Variants in NIPBL observed in about 807,000 individuals in gnomAD.
The protein encoded by NIPBL is nipped-B-like protein.
NIPBL carries 19 observed loss-of-function variants against 321.8 expected under a neutral mutation model. That is an observed-to-expected ratio of 0.06 (90% CI 0.04 to 0.09). The LOEUF is 0.09. Ranked by LOEUF, NIPBL falls within the 10% of genes least tolerant of loss-of-function variation. The pLI is 1.00. For synonymous variants in NIPBL, 1,106 were observed against 1,114.1 expected (o/e 0.99, Z 0.14); for missense variants, 2,210 against 3,327.0 (o/e 0.66, Z 8.26).
intron 6 of NIPBL, among the ~76,000 whole-genome samples, chr5:36,966,504 G>C (rs1210174312): frequency 6.6e-6 from 1 of 151,932 alleles, no homozygotes; most frequent in Non-Finnish European, 1.5e-5. Flanking sequence ...GTGGTGTTTA[G>C]GTGGTGAACC....
intron 9 of NIPBL, among the ~76,000 whole-genome samples, chr5:36,979,147 A>T (rs1743856101): frequency 6.6e-6 from 1 of 151,844 alleles, no homozygotes. Flanking sequence ...GTTTGATAGG[A>T]ATAGTGTTGA....
intron 1 of NIPBL, among the ~76,000 whole-genome samples, chr5:36,936,351 T>G (rs983034776): frequency 6.6e-6 from 1 of 152,184 alleles, no homozygotes; most frequent in African/African-American, 2.4e-5. Flanking sequence ...ATATTTTTAC[T>G]GTACCTTTTC....
chr5:37,049,090 A>G (rs1221058299), intron 39 of NIPBL, 21 bp from the exon 40 acceptor site: 2 of 1,612,978 alleles, frequency 1.2e-6, no homozygotes, highest in Middle Eastern at 1.6e-4. Flanking sequence ...ATGTGTGTTT[A>G]TCCTTTGCTT....
chr5:37,007,987 T>A, intron 18 of NIPBL, 21 bp from the exon 19 acceptor site: 1 of 1,416,066 alleles, frequency 7.1e-7, no homozygotes, highest in Non-Finnish European at 1.0e-6. Context: ...TGTATACTAC[T>A]TACTCTTCTT....
intron 4 of NIPBL, among the ~76,000 whole-genome samples, chr5:36,959,609 G>C (rs1200029027): frequency 2.0e-5 from 3 of 152,134 alleles, no homozygotes; most frequent in Non-Finnish European, 2.9e-5. Context: ...GTGGAAGAAA[G>C]ACTAATAGAG....
intron 1 of NIPBL, among the ~76,000 whole-genome samples, chr5:36,898,969 G>T (rs1746998442): frequency 6.6e-6 from 1 of 152,048 alleles, no homozygotes; most frequent in Admixed American, 6.5e-5. Context: ...TATTAAATAA[G>T]ATTTAAAGTA....
intron 1 of NIPBL, among the ~76,000 whole-genome samples, chr5:36,877,409 G>T (rs146872847): frequency 6.6e-6 from 1 of 152,212 alleles, no homozygotes; most frequent in Non-Finnish European, 1.5e-5. Context: ...CTGGGCGGCC[G>T]GGGAGGCGTA....
intron 1 of NIPBL, among the ~76,000 whole-genome samples, chr5:36,952,066 G>GCA (rs1399134249): frequency 6.4e-5 from 9 of 140,042 alleles, no homozygotes; most frequent in East Asian, 4.0e-4. Context: ...GCGCGCGCGC[G>GCA]CGCGCGCATG....
At chr5:36,933,583 T>C (rs1749943457) in intron 1 of NIPBL, among the ~76,000 whole-genome samples, 1 of 152,126 alleles carries the variant, frequency 6.6e-6, no homozygotes, top group Non-Finnish European at 1.5e-5. Context: ...GAAGTTTGTT[T>C]TTAATGTCAA....
At chr5:36,894,763 G>A (rs377083039) in intron 1 of NIPBL, among the ~76,000 whole-genome samples, 10 of 152,152 alleles carry the variant, frequency 6.6e-5, no homozygotes, top group African/African-American at 2.2e-4. Flanking sequence ...CAGTACCTAT[G>A]TGTAGGAGTT....
At chr5:37,049,451 C>T (rs187906772) in intron 40 of NIPBL, 150 bp downstream of exon 40, 28 of 864,242 alleles carry the variant, frequency 3.2e-5, no homozygotes, top group Non-Finnish European at 1.9e-6. Context: ...TAGATAATCT[C>T]TTGGGTTATG....
In NIPBL at chr5:36,986,167, A is replaced by G; in HGVS notation, c.2987A>G (p.Asn996Ser). ...VEKIGLVEDL[N>S]KGAKPVVVLQ... ...AAAATAGGATTAGTTGAAGATCTAA[A>G]TAAAGGAGCTAAGCCTGTAGTTGTG... Residue 996 changes from asparagine to serine, a missense_variant, in exon 10 of 47, where the codon AAT (asparagine) becomes AGT (serine). Coordinates refer to ENST00000282516, the MANE Select transcript of NIPBL (RefSeq NM_133433.4). The G allele has an allele frequency of 6.2e-7, 1 of 1,613,744 alleles. No homozygotes were observed. The highest frequency in any genetic ancestry group is 8.5e-7 in the Non-Finnish European group (1 of 1,179,866).
intron 27 of NIPBL, 81 bp downstream of exon 27, chr5:37,020,958 C>A: frequency 1.0e-6 from 1 of 960,854 alleles, no homozygotes; most frequent in Non-Finnish European, 1.7e-6. Context: ...TAATATCATT[C>A]ATTGTTGAGT....
chr5:37,045,278 C>T (rs1211968860), intron 36 of NIPBL, among the ~76,000 whole-genome samples, 165 bp from the exon 37 acceptor site: 2 of 151,970 alleles, frequency 1.3e-5, no homozygotes, highest in East Asian at 1.9e-4. Context: ...CACTTGAACA[C>T]GGGAGGCGGA....
At chr5:36,952,067 C>T (rs1164519672) in intron 1 of NIPBL, among the ~76,000 whole-genome samples, 21 of 115,864 alleles carry the variant, frequency 1.8e-4, no homozygotes, top group South Asian at 1.1e-3. Flanking sequence ...CGCGCGCGCG[C>T]GCGCGCATGT....
At chr5:37,009,820 T>C (rs1463204933) in intron 20 of NIPBL, among the ~76,000 whole-genome samples, 1 of 152,218 alleles carries the variant, frequency 6.6e-6, no homozygotes, top group Non-Finnish European at 1.5e-5. Flanking sequence ...GTAGTATGAA[T>C]TTTTATCTGC....
intron 33 of NIPBL, among the ~76,000 whole-genome samples, chr5:37,037,901 C>G (rs1239795935): frequency 6.6e-6 from 1 of 151,576 alleles, no homozygotes; most frequent in Non-Finnish European, 1.5e-5. Context: ...CATTCTTCTA[C>G]TGCAACAACA....
At chr5:36,946,309 A>G (rs1315942528) in intron 1 of NIPBL, among the ~76,000 whole-genome samples, 2 of 151,726 alleles carry the variant, frequency 1.3e-5, no homozygotes, top group African/African-American at 4.8e-5. Flanking sequence ...CTGTTGCCCA[A>G]CAGGCTGGGC....
At position 36,985,950 on chromosome 5, in the gene NIPBL, A is replaced by G; in HGVS notation, c.2770A>G (p.Asn924Asp). 6.2e-7 allele frequency: 1 copy of G among 1,614,052 alleles called. No homozygotes were observed. The highest frequency in any genetic ancestry group is 1.3e-5 in the African/African-American group (1 of 75,050). ...TAAAGATGACAAAAGGACAGAGGGTAACAAGAGTAAAGTAGACACTAATAA... is the reference window on the plus strand; with the variant it reads ...TAAAGATGACAAAAGGACAGAGGGTGACAAGAGTAAAGTAGACACTAATAA... ...TSKDDKRTEGNKSKVDTNKAH... is the reference protein window; with the variant it reads ...TSKDDKRTEGDKSKVDTNKAH... Residue 924 changes from asparagine to aspartate, a missense_variant, in exon 10 of 47, where the codon AAC becomes GAC. Asn to Asp is a conservative substitution (Grantham distance 23). Coordinates refer to ENST00000282516, the MANE Select transcript of NIPBL (RefSeq NM_133433.4).
Sources: gnomAD v4.1 joint callset for allele counts (sites outside exome capture counted in the v4.1 genomes callset) on GRCh38, gnomAD v4.1.1 for gene constraint, MANE v1.5 for transcripts, NCBI Gene and HGNC (gene_info 2026-07-23, HGNC 2026-07-21) for gene names.